The following HSPA9 variants were observed in gnomAD, a reference collection of about 807,000 sequenced individuals.
HSPA9 encodes heat shock protein family A (Hsp70) member 9, also known as stress-70 protein, mitochondrial.
Under a neutral mutation model 81.5 loss-of-function variants are expected in HSPA9, and 28 were observed. The observed-to-expected ratio is 0.34, with a 90% CI of 0.25 to 0.47. HSPA9 has a LOEUF of 0.47. HSPA9 is among the 20% of genes least tolerant of loss of function. The pLI is 1.00. For missense variants in HSPA9, 678 were observed against 838.0 expected, an observed-to-expected ratio of 0.81 and a Z score of 2.36; for synonymous variants, 293 against 290.4, an observed-to-expected ratio of 1.01 and a Z score of -0.09.
At chr5:138,558,435 C>T (rs1750580408) in intron 12 of HSPA9, 118 bp downstream of exon 12, 1 of 764,972 alleles carries the variant, frequency 1.3e-6, no homozygotes. Context: ...CCCTTCTTCT[C>T]AAGACTACTC....
rs779688763 is a variant in HSPA9, at chr5:138,557,408, T to G, written c.1722A>C (p.Arg574=). 5 of 1,601,022 alleles carry G rather than the reference T, an allele frequency of 3.1e-6. No individual in the cohort carries two copies. In the South Asian group the frequency reaches 4.4e-5, roughly 14 times the overall value. The change falls in exon 14 of 17, where the codon CGA becomes CGC. Residue 574 remains arginine, a synonymous_variant. Coordinates refer to ENST00000297185, the MANE Select transcript of HSPA9 (RefSeq NM_004134.7). Reference sequence around the variant, plus strand: ...GAAGACAAGAAGTAATCACCTTCTTTCGCCGGTCTTCTTCAGCATATTTCT... The same window carrying G: ...GAAGACAAGAAGTAATCACCTTCTTGCGCCGGTCTTCTTCAGCATATTTCT... ...NAEKYAEEDR[R]KKERVEAVNM...
In HSPA9 at chr5:138,568,397, G is replaced by C. The variant is rs7727542; in HGVS notation, c.535+528C>G. On this transcript the variant is annotated intron_variant, in intron 5 of 16. Transcript: ENST00000297185. ...ATGCCTGTAATCCCAGCTACGTTGG[G>C]GGGGAGGGAGAGGGCAGGATAATCG... Among the ~76,000 whole-genome samples the C allele has an allele frequency of 2.6e-3, 392 of 151,542 alleles. 2 individuals are homozygous for C. Among genetic ancestry groups the C allele is most frequent in the Non-Finnish European group, 4.7e-3 (318 of 67,872 alleles).
chr5:138,571,957 T>A (rs1340376619), intron 3 of HSPA9, among the ~76,000 whole-genome samples: 1 of 97,434 alleles, frequency 1.0e-5, no homozygotes, highest in Admixed American at 1.3e-4. Context: ...GCACTGCGCC[T>A]GGCTTTTTTT....
chr5:138,565,220 T>A (rs564598618), intron 9 of HSPA9, among the ~76,000 whole-genome samples: 1 of 152,260 alleles, frequency 6.6e-6, no homozygotes, highest in East Asian at 1.9e-4. Context: ...AAATGTCAAA[T>A]CCCTGGGAAG....
intron 3 of HSPA9, among the ~76,000 whole-genome samples, chr5:138,571,468 G>A (rs1030335841): frequency 2.6e-5 from 4 of 151,724 alleles, no homozygotes; most frequent in African/African-American, 9.7e-5. Flanking sequence ...ACAGGCATGA[G>A]CCAATACGCC....
At chr5:138,568,598 C>T (rs1750815386) in intron 5 of HSPA9, among the ~76,000 whole-genome samples, 1 of 152,142 alleles carries the variant, frequency 6.6e-6, no homozygotes, top group Non-Finnish European at 1.5e-5. Flanking sequence ...CTACAATGAC[C>T]TTTAGACTTA....
intron 11 of HSPA9, 68 bp from the exon 12 acceptor site, chr5:138,558,725 A>T: frequency 2.0e-6 from 2 of 1,004,646 alleles, no homozygotes; most frequent in Non-Finnish European, 3.2e-6. Flanking sequence ...AGAAAAAATG[A>T]AAGCCAAAGG....
At chr5:138,572,441 A>C (rs1398883861) in intron 3 of HSPA9, among the ~76,000 whole-genome samples, 1 of 152,172 alleles carries the variant, frequency 6.6e-6, no homozygotes, top group East Asian at 1.9e-4. Context: ...GCATTTTCTA[A>C]ATTGAAACAA....
At chr5:138,559,802 G>T in intron 11 of HSPA9, 62 bp downstream of exon 11, 2 of 1,088,180 alleles carry the variant, frequency 1.8e-6, no homozygotes, top group Non-Finnish European at 2.8e-6. Context: ...GAAAGTGGCT[G>T]CAATTACATC....
In HSPA9 at chr5:138,556,779, C is replaced by T. The variant is rs944454875; in HGVS notation, c.1816G>A (p.Asp606Asn). ...TACTTTAAAATAGAACTCACCTCATCAGCAGGTAATTGGTCCTTGAATTCT... is the reference window on the plus strand; with the variant it reads ...TACTTTAAAATAGAACTCACCTCATTAGCAGGTAATTGGTCCTTGAATTCT... ...MEEFKDQLPA[D>N]ECNKLKEEIS... Residue 606 changes from aspartate (D) to asparagine (N), a missense_variant, in exon 15 of 17, where the codon GAT becomes AAT. This residue lies in a region of HSPA9 where 100 missense variants were observed against 99.5 expected (regional missense o/e 1.00). Coordinates refer to ENST00000297185, the MANE Select transcript of HSPA9 (RefSeq NM_004134.7). 3 of 1,611,276 alleles carry T rather than the reference C, an allele frequency of 1.9e-6. No homozygotes were observed. Among genetic ancestry groups the T allele is most frequent in the Non-Finnish European group, 2.5e-6 (3 of 1,177,502 alleles).
In HSPA9 at chr5:138,575,355, C is replaced by T. The variant is rs754006375; in HGVS notation, c.-37G>A. The T allele has an allele frequency of 2.6e-6, 4 of 1,547,080 alleles. No individual in the cohort carries two copies. Among genetic ancestry groups the T allele is most frequent in the Non-Finnish European group, 2.7e-6 (3 of 1,122,890 alleles). On this transcript the variant is annotated 5_prime_UTR_variant, in exon 1 of 17. Transcript: ENST00000297185. Reference sequence around the variant, plus strand: ...GGAGGAGTACGAGGCAGCAAACAAGCGCTCCGACGGCAAAGAGCTGCGCGA... The same window carrying T: ...GGAGGAGTACGAGGCAGCAAACAAGTGCTCCGACGGCAAAGAGCTGCGCGA...
At chr5:138,557,092 G>A (rs557536169) in intron 14 of HSPA9, 38 of 612,462 alleles carry the variant, frequency 6.2e-5, no homozygotes, top group Middle Eastern at 4.4e-4. Context: ...AATAATAAAG[G>A]CACTGCAAAC....
At chr5:138,567,251 G>A in intron 7 of HSPA9, 88 bp from the exon 8 acceptor site, 1 of 1,170,218 alleles carries the variant, frequency 8.5e-7, no homozygotes, top group Non-Finnish European at 1.2e-6. Flanking sequence ...ACCAAATACA[G>A]ATAATCTAAG....
At chr5:138,571,902 TCC>T (rs1561861987) in intron 3 of HSPA9, among the ~76,000 whole-genome samples, 1 of 148,478 alleles carries the variant, frequency 6.7e-6, no homozygotes, top group Non-Finnish European at 1.5e-5. Context: ...CCTCAGGCGA[TCC>T]GCCCACCTTG....
At chr5:138,563,665 G>C (rs1005087741) in intron 9 of HSPA9, among the ~76,000 whole-genome samples, 4 of 152,202 alleles carry the variant, frequency 2.6e-5, no homozygotes, top group Non-Finnish European at 4.4e-5. Context: ...CACTTATCTA[G>C]GGAGAGACAC....
Position 138,568,974 on chromosome 5 carries a change from A to G in HSPA9, c.486T>C (p.Ser162=), listed in dbSNP as rs1464956693. 1.2e-6 allele frequency: 2 copies of G among 1,614,070 alleles called. No individual in the cohort carries two copies. The highest frequency in any genetic ancestry group is 2.7e-5 in the African/African-American group (2 of 75,044). The change falls in exon 5 of 17, where the codon TCT becomes TCC. Residue 162 remains serine (S), a synonymous_variant. Coordinates refer to ENST00000297185, the MANE Select transcript of HSPA9 (RefSeq NM_004134.7). The part of the protein sequence containing the change: ...AWVEAHGKLY[S]PSQIGAFVLM... ...ACACAAATGCTCCAATCTGACTCGG[A>G]GAATACAATTTCCCATGAGCCTCAA... is the stretch of plus-strand genomic sequence containing the variant.
At chr5:138,567,292 T>C in intron 7 of HSPA9, 129 bp from the exon 8 acceptor site, 2 of 995,204 alleles carry the variant, frequency 2.0e-6, no homozygotes, top group Non-Finnish European at 3.1e-6. Flanking sequence ...CTAGTTAAAT[T>C]ACCATGGCCC....
chr5:138,557,951 C>A lies in HSPA9; in HGVS notation c.1551G>T (p.Gln517His), dbSNP rs1237338105. The A allele has an allele frequency of 1.2e-6, 2 of 1,611,702 alleles. No homozygotes were observed. Among genetic ancestry groups the A allele is most frequent in the Non-Finnish European group, 1.7e-6 (2 of 1,179,232 alleles). ...CATCAATGTCAAATGTAACTTCAATCTGAGGAACTCCACGAGGGGCTGGTG... is the reference window on the plus strand; with the variant it reads ...CATCAATGTCAAATGTAACTTCAATATGAGGAACTCCACGAGGGGCTGGTG... ...GIPPAPRGVP[Q>H]IEVTFDIDAN... is the part of the protein sequence containing the mutation. Residue 517 changes from glutamine to histidine, a missense_variant, in exon 13 of 17, where the codon CAG becomes CAT. Physicochemically the swap from Gln to His is conservative, Grantham distance 24. Coordinates refer to ENST00000297185, the MANE Select transcript of HSPA9 (RefSeq NM_004134.7).
At position 138,556,047 on chromosome 5, in the gene HSPA9, T is replaced by C; in HGVS notation, c.2030A>G (p.Glu677Gly). ...AAATTTCTGCTATTATTACTGTTTT[T>C]CCTCCTTTTGATCTTCCTTTTGTTC... ...TGEQKEDQKEEKQ is the reference protein window; with the variant it reads ...TGEQKEDQKEGKQ Residue 677 changes from glutamate (E) to glycine (G), a missense_variant, in exon 17 of 17, where the codon GAA (glutamate) becomes GGA (glycine). By Grantham distance (98) the Glu-to-Gly change is moderately conservative (BLOSUM62 -2). Transcript: ENST00000297185. 2 of 1,612,034 alleles carry C rather than the reference T, an allele frequency of 1.2e-6. No individual in the cohort carries two copies. The highest frequency in any genetic ancestry group is 8.5e-7 in the Non-Finnish European group (1 of 1,178,300).
Sources: gnomAD v4.1 joint callset for allele counts (sites outside exome capture counted in the v4.1 genomes callset) on GRCh38, gnomAD v4.1.1 for gene constraint, gnomAD v4.1.1 regional missense constraint, MANE v1.5 for transcripts, NCBI Gene and HGNC (gene_info 2026-07-23, HGNC 2026-07-21) for gene names.